The following KANSL1 variants were observed in gnomAD, a reference collection of about 807,000 sequenced individuals.
KANSL1 encodes KAT8 regulatory NSL complex subunit 1.
KANSL1 carries 22 observed loss-of-function variants against 103.6 expected under a neutral mutation model. That is an observed-to-expected ratio of 0.21 (90% CI 0.15 to 0.30). The LOEUF is 0.30. Ranked by LOEUF, KANSL1 falls within the 10% of genes least tolerant of loss-of-function variation. The pLI is 1.00. For missense variants in KANSL1, 1,337 were observed against 1,399.8 expected, an observed-to-expected ratio of 0.96 and a Z score of 0.72; for synonymous variants, 600 against 527.6, an observed-to-expected ratio of 1.14 and a Z score of -1.88.
At chr17:46,066,974 A>C (rs1008528328) in intron 5 of KANSL1, among the ~76,000 whole-genome samples, 1 of 152,222 alleles carries the variant, frequency 6.6e-6, no homozygotes, top group Non-Finnish European at 1.5e-5. Context: ...GAAAGATAAA[A>C]GTCAATAAAT....
At chr17:46,220,103 A>G (rs1238107928) in intron 1 of KANSL1, among the ~76,000 whole-genome samples, 2 of 152,174 alleles carry the variant, frequency 1.3e-5, no homozygotes, top group Non-Finnish European at 2.9e-5. Flanking sequence ...GCTCCGTCTC[A>G]AAAAAACAAA....
chr17:46,087,607 GAGA>G (rs1452458479), intron 3 of KANSL1, among the ~76,000 whole-genome samples: 3 of 152,204 alleles, frequency 2.0e-5, no homozygotes, highest in Non-Finnish European at 2.9e-5. Flanking sequence ...CAGAAGTTGA[GAGA>G]AGGTGATGTC....
chr17:46,192,115 A>C (rs2047362769), intron 1 of KANSL1, among the ~76,000 whole-genome samples: 1 of 152,238 alleles, frequency 6.6e-6, no homozygotes, highest in Non-Finnish European at 1.5e-5. Flanking sequence ...ACGTTTCTCT[A>C]TAAATCCACA....
At chr17:46,144,771 C>T (rs2044612032) in intron 2 of KANSL1, among the ~76,000 whole-genome samples, 1 of 150,462 alleles carries the variant, frequency 6.6e-6, no homozygotes. Flanking sequence ...TCCTCACAAA[C>T]AAATGATGAT....
intron 2 of KANSL1, among the ~76,000 whole-genome samples, chr17:46,109,054 C>G (rs1195905226): frequency 6.6e-6 from 1 of 152,164 alleles, no homozygotes; most frequent in African/African-American, 2.4e-5. Flanking sequence ...GCTCAAGCAA[C>G]CACTCTCACC....
intron 1 of KANSL1, among the ~76,000 whole-genome samples, chr17:46,220,534 T>C (rs967439521): frequency 2.0e-5 from 3 of 152,252 alleles, no homozygotes; most frequent in African/African-American, 7.2e-5. Context: ...CAATTTTCTA[T>C]TTAATTTTTA....
intron 1 of KANSL1, among the ~76,000 whole-genome samples, chr17:46,179,082 ATC>A (rs1340500717): frequency 5.9e-5 from 9 of 152,184 alleles, no homozygotes; most frequent in Admixed American, 4.6e-4. Flanking sequence ...GTTTAGCAAC[ATC>A]TCTGTTTTCC....
At chr17:46,203,907 G>A (rs970867536) in intron 1 of KANSL1, among the ~76,000 whole-genome samples, 4 of 152,248 alleles carry the variant, frequency 2.6e-5, no homozygotes, top group African/African-American at 9.6e-5. Context: ...CAAGTGTGGT[G>A]GCATGTGCCT....
intron 7 of KANSL1, chr17:46,043,016 A>G (rs886076924): frequency 2.0e-5 from 3 of 152,210 alleles, no homozygotes; most frequent in Non-Finnish European, 4.4e-5. Context: ...CCACACTTAA[A>G]AACTCAGCTA....
upstream of KANSL1, among the ~76,000 whole-genome samples, chr17:46,225,179 C>T (rs928145408): frequency 2.6e-5 from 4 of 152,084 alleles, no homozygotes; most frequent in Admixed American, 6.5e-5. Context: ...TCGGCGGCGC[C>T]CGCTCCCCGG....
chr17:46,128,745 T>G (rs184760638), intron 2 of KANSL1, among the ~76,000 whole-genome samples: 5 of 151,938 alleles, frequency 3.3e-5, no homozygotes, highest in Admixed American at 3.3e-4. Flanking sequence ...AAAAGAGAGG[T>G]GATAAAGACA....
intron 2 of KANSL1, among the ~76,000 whole-genome samples, chr17:46,132,444 A>G (rs1279229925): frequency 6.6e-6 from 1 of 152,238 alleles, no homozygotes; most frequent in Non-Finnish European, 1.5e-5. Flanking sequence ...CCAATTTTCC[A>G]GTCGAATAGT....
At chr17:46,125,199 G>A (rs932788712) in intron 2 of KANSL1, among the ~76,000 whole-genome samples, 1 of 152,082 alleles carries the variant, frequency 6.6e-6, no homozygotes, top group Non-Finnish European at 1.5e-5. Flanking sequence ...ATGGAGATAG[G>A]ACCTTCCACC....
At chr17:46,178,654 A>G (rs932801134) in intron 1 of KANSL1, among the ~76,000 whole-genome samples, 1 of 152,244 alleles carries the variant, frequency 6.6e-6, no homozygotes, top group Non-Finnish European at 1.5e-5. Flanking sequence ...CTCAGTTTCA[A>G]AGAAGTATTT....
chr17:46,064,075 A>AAAC, intron 6 of KANSL1, among the ~76,000 whole-genome samples: 1 of 150,582 alleles, frequency 6.6e-6, no homozygotes, highest in African/African-American at 2.4e-5. Flanking sequence ...AAAAAAACAA[A>AAAC]AAAAAACTGA....
chr17:46,155,029 T>C (rs1214241142), intron 2 of KANSL1, among the ~76,000 whole-genome samples: 1 of 152,192 alleles, frequency 6.6e-6, no homozygotes, highest in Non-Finnish European at 1.5e-5. Context: ...TAAAATATGC[T>C]ATAAAATAGT....
intron 2 of KANSL1, among the ~76,000 whole-genome samples, chr17:46,166,373 G>A (rs112839423): frequency 0.12 from 18,334 of 149,332 alleles, 22 homozygotes; most frequent in Middle Eastern, 0.19. Flanking sequence ...TTAGCCGGGC[G>A]TGGTGACAGG....
chr17:46,096,674 AG>A (rs1324368554), intron 2 of KANSL1, among the ~76,000 whole-genome samples: 5 of 150,896 alleles, frequency 3.3e-5, no homozygotes, highest in Admixed American at 3.3e-4. Context: ...GCTGGAGTCC[AG>A]TGGCATGATC....
At chr17:46,166,513 C>CAA (rs150251497) in intron 2 of KANSL1, among the ~76,000 whole-genome samples, 10,219 of 137,716 alleles carry the variant, frequency 0.074, no homozygotes, top group Non-Finnish European at 0.11. Flanking sequence ...ATTCGGTCTC[C>CAA]AAAAAAAAAA....
Sources: allele counts gnomAD v4.1 joint callset (sites outside exome capture counted in the v4.1 genomes callset), GRCh38; gene constraint gnomAD v4.1.1; transcripts MANE v1.5; gene names NCBI Gene and HGNC (gene_info 2026-07-23, HGNC 2026-07-21).